TMEM132D: variants seen among roughly 807,000 people sequenced by gnomAD.
The protein encoded by TMEM132D is transmembrane protein 132D, also known as mature OL transmembrane protein.
In TMEM132D, 21 loss-of-function variants were observed where a neutral mutation model predicts 62.3. The observed-to-expected ratio is 0.34, with a 90% CI of 0.24 to 0.49. The LOEUF is 0.49. Ranked by LOEUF, TMEM132D falls within the 20% of genes least tolerant of loss-of-function variation. The pLI is 0.99. For synonymous variants in TMEM132D, 621 were observed against 575.6 expected (o/e 1.08, Z -1.13); for missense variants, 1,346 against 1,402.8 (o/e 0.96, Z 0.65).
intron 5 of TMEM132D, among the ~76,000 whole-genome samples, chr12:129,132,133 G>A (rs1260582937): frequency 6.6e-6 from 1 of 152,112 alleles, no homozygotes; most frequent in Non-Finnish European, 1.5e-5. Context: ...AAGACAATTT[G>A]GTGCAGTTGA....
chr12:129,263,671 G>A (rs1489143686), intron 4 of TMEM132D, among the ~76,000 whole-genome samples: 1 of 152,162 alleles, frequency 6.6e-6, no homozygotes, highest in African/African-American at 2.4e-5. Flanking sequence ...AAGAGCAGAT[G>A]CCATGAGCAG....
intron 3 of TMEM132D, among the ~76,000 whole-genome samples, chr12:129,366,130 A>T (rs543488845): frequency 1.1e-4 from 16 of 152,148 alleles, no homozygotes; most frequent in African/African-American, 3.9e-4. Context: ...AAAAACACTC[A>T]CCCGGATATT....
intron 1 of TMEM132D, among the ~76,000 whole-genome samples, chr12:129,757,075 T>C (rs1038767978): frequency 6.6e-6 from 1 of 152,190 alleles, no homozygotes; most frequent in African/African-American, 2.4e-5. Context: ...ACATCATCTT[T>C]TGCAATAATT....
chr12:129,868,155 G>C (rs1566013987), intron 1 of TMEM132D, among the ~76,000 whole-genome samples: 1 of 151,898 alleles, frequency 6.6e-6, no homozygotes, highest in African/African-American at 2.4e-5. Context: ...GTACATACAT[G>C]AGGCAGTGTT....
At chr12:129,531,689 G>A (rs973862624) in intron 2 of TMEM132D, among the ~76,000 whole-genome samples, 2 of 152,170 alleles carry the variant, frequency 1.3e-5, no homozygotes, top group African/African-American at 4.8e-5. Flanking sequence ...AGCCCAAAAT[G>A]AGGGGGCTGA....
intron 1 of TMEM132D, among the ~76,000 whole-genome samples, chr12:129,739,049 G>T (rs1386625330): frequency 2.0e-5 from 3 of 152,228 alleles, no homozygotes; most frequent in African/African-American, 4.8e-5. Context: ...GACGACAAAA[G>T]CTCCATCAGC....
intron 4 of TMEM132D, among the ~76,000 whole-genome samples, chr12:129,257,434 C>T (rs1880436836): frequency 6.6e-6 from 1 of 152,274 alleles, no homozygotes; most frequent in South Asian, 2.1e-4. Flanking sequence ...TGGTCTCAAT[C>T]TCCTGACCTC....
At position 129,630,347 on chromosome 12, in the gene TMEM132D, C is replaced by T. The variant is rs2137166558; in HGVS notation, c.968+69463G>A. ...AAGAAGAAAGAAAAACCACAGGACA[C>T]AGATTGAGTAGATATCTCACCATCA... On this transcript the variant is annotated intron_variant, in intron 2 of 8. Coordinates refer to ENST00000422113, the MANE Select transcript of TMEM132D (RefSeq NM_133448.3). 3.3e-5 allele frequency among the ~76,000 whole-genome samples: 5 copies of T among 152,298 alleles called. No homozygotes were observed. In the South Asian group the frequency reaches 1.0e-3, roughly 32 times the overall value.
chr12:129,816,191 G>A (rs114870203), intron 1 of TMEM132D, among the ~76,000 whole-genome samples: 1,674 of 152,276 alleles, frequency 0.011, 21 homozygotes, highest in African/African-American at 0.038. Context: ...ATATTTGCTA[G>A]GGGCCGTGTT....
At chr12:129,616,411 T>G (rs563033864) in intron 2 of TMEM132D, among the ~76,000 whole-genome samples, 64 of 152,138 alleles carry the variant, frequency 4.2e-4, no homozygotes, top group African/African-American at 1.5e-3. Context: ...AGTGGTGTGG[T>G]TGTATTTGCT....
chr12:129,303,717 CAT>C (rs775906845), intron 4 of TMEM132D, among the ~76,000 whole-genome samples: 15 of 151,394 alleles, frequency 9.9e-5, no homozygotes, highest in Admixed American at 2.0e-4. Flanking sequence ...GAAATTGGCT[CAT>C]ATGATTATGG....
At chr12:129,432,253 G>A (rs1349851420) in intron 3 of TMEM132D, among the ~76,000 whole-genome samples, 1 of 146,018 alleles carries the variant, frequency 6.8e-6, no homozygotes, top group Admixed American at 6.7e-5. Flanking sequence ...ATGGTTGCTT[G>A]GATGGATGGA....
chr12:129,864,425 T>C (rs1306537389), intron 1 of TMEM132D, among the ~76,000 whole-genome samples: 1 of 152,212 alleles, frequency 6.6e-6, no homozygotes, highest in Non-Finnish European at 1.5e-5. Flanking sequence ...TTTGGGGTAG[T>C]CTGTTTTATA....
intron 5 of TMEM132D, among the ~76,000 whole-genome samples, chr12:129,100,953 CG>C (rs1565963999): frequency 6.6e-6 from 1 of 152,072 alleles, no homozygotes; most frequent in Non-Finnish European, 1.5e-5. Flanking sequence ...CAGCACCAGG[CG>C]GTGGCAGGGA....
intron 4 of TMEM132D, among the ~76,000 whole-genome samples, chr12:129,215,532 G>T (rs903496893): frequency 2.0e-5 from 3 of 152,198 alleles, no homozygotes; most frequent in African/African-American, 7.2e-5. Context: ...GAACTAAGCA[G>T]ATTCTGAAAG....
At chr12:129,106,174 A>G (rs758728774) in intron 5 of TMEM132D, among the ~76,000 whole-genome samples, 2 of 150,808 alleles carry the variant, frequency 1.3e-5, no homozygotes, top group Non-Finnish European at 2.9e-5. Flanking sequence ...AGAACAAAAA[A>G]CCAAACACCG....
chr12:129,404,962 A>C (rs1463291225), intron 3 of TMEM132D, among the ~76,000 whole-genome samples: 1 of 152,206 alleles, frequency 6.6e-6, no homozygotes, highest in Non-Finnish European at 1.5e-5. Context: ...TCAGATAAGC[A>C]TAGGGCTATA....
At chr12:129,528,803 G>A (rs1434089056) in intron 3 of TMEM132D, among the ~76,000 whole-genome samples, 1 of 152,188 alleles carries the variant, frequency 6.6e-6, no homozygotes, top group Non-Finnish European at 1.5e-5. Context: ...TGCTGTATGA[G>A]CTGGAGCATA....
chr12:129,230,656 G>T (rs1438202493), intron 4 of TMEM132D, among the ~76,000 whole-genome samples: 4 of 152,178 alleles, frequency 2.6e-5, no homozygotes, highest in Non-Finnish European at 5.9e-5. Flanking sequence ...TTGATGTTCT[G>T]ATCAGTTCCA....
Sources: allele counts gnomAD v4.1 joint callset (sites outside exome capture counted in the v4.1 genomes callset), GRCh38; gene constraint gnomAD v4.1.1; transcripts MANE v1.5; gene names NCBI Gene and HGNC (gene_info 2026-07-23, HGNC 2026-07-21).